LTBP1: variants seen among roughly 807,000 people sequenced by gnomAD.
The protein encoded by LTBP1 is latent-transforming growth factor beta-binding protein 1.
Under a neutral mutation model 207.6 loss-of-function variants are expected in LTBP1, and 129 were observed. The ratio of observed to expected loss-of-function variants is 0.62; its 90% CI spans 0.54 to 0.72. LTBP1 has a LOEUF of 0.72. Among genes scored for constraint, LTBP1 ranks in the 30% least tolerant of loss-of-function variants. LTBP1 has a pLI of 0.00. For synonymous variants in LTBP1, 963 were observed against 833.7 expected (o/e 1.16, Z -2.67); for missense variants, 2,281 against 2,217.2 (o/e 1.03, Z -0.58).
At chr2:33,207,724 C>T (rs1013710060) in intron 7 of LTBP1, among the ~76,000 whole-genome samples, 4 of 152,142 alleles carry the variant, frequency 2.6e-5, no homozygotes, top group East Asian at 1.9e-4. Context: ...GTTGCACTAG[C>T]GATAGGGGTT....
chr2:32,993,053 C>T (rs219159), intron 2 of LTBP1, among the ~76,000 whole-genome samples: 40,076 of 151,882 alleles, frequency 0.26, 6,547 homozygotes, highest in Non-Finnish European at 0.38. Flanking sequence ...GCTGGTGGGC[C>T]TGCAGATGGA....
chr2:33,173,104 C>G (rs1031368521), intron 5 of LTBP1, among the ~76,000 whole-genome samples: 1 of 152,048 alleles, frequency 6.6e-6, no homozygotes, highest in African/African-American at 2.4e-5. Flanking sequence ...ACTAGAAAAG[C>G]AAGAGCAAAC....
intron 32 of LTBP1, among the ~76,000 whole-genome samples, chr2:33,395,406 C>T (rs1315352856): frequency 6.6e-6 from 1 of 152,144 alleles, no homozygotes; most frequent in African/African-American, 2.4e-5. Context: ...TTACAAGGTA[C>T]ACATAGGGAA....
chr2:33,021,266 T>G (rs1256587894), intron 3 of LTBP1, 60 bp downstream of exon 3: 1 of 1,456,064 alleles, frequency 6.9e-7, no homozygotes, highest in Non-Finnish European at 9.3e-7. Flanking sequence ...TTGGATGCCT[T>G]GCTTTAAATC....
chr2:33,394,739 G>T (rs1207930074), intron 32 of LTBP1, among the ~76,000 whole-genome samples: 2 of 152,206 alleles, frequency 1.3e-5, no homozygotes, highest in African/African-American at 2.4e-5. Context: ...CAGGTAGCAT[G>T]ATGCCTCCAG....
intron 9 of LTBP1, among the ~76,000 whole-genome samples, chr2:33,231,742 T>C (rs554231874): frequency 1.3e-5 from 2 of 152,134 alleles, no homozygotes; most frequent in Non-Finnish European, 2.9e-5. Flanking sequence ...AACAGACATG[T>C]AGAATGAGGT....
chr2:33,279,348 A>AT (rs1051660429), intron 18 of LTBP1, among the ~76,000 whole-genome samples: 5 of 151,928 alleles, frequency 3.3e-5, no homozygotes, highest in South Asian at 2.1e-4. Flanking sequence ...ATTTTAGGAG[A>AT]TTTTTTTCTC....
At position 33,363,336 on chromosome 2, in the gene LTBP1, A is replaced by C. The variant is rs1229636998; in HGVS notation, c.4271-54A>C. 5 of 1,587,754 alleles carry C rather than the reference A, an allele frequency of 3.1e-6. No individual in the cohort carries two copies. In the East Asian group the frequency reaches 1.1e-4, roughly 36 times the overall value. ...CCCAAATCTGGTTAGACTCTTTTTAATTGAAAGATCAAACCTAACTCCTTT... is the reference window on the plus strand; with the variant it reads ...CCCAAATCTGGTTAGACTCTTTTTACTTGAAAGATCAAACCTAACTCCTTT... On this transcript the variant is annotated intron_variant, in intron 28 of 33. Coordinates refer to ENST00000404816, the MANE Select transcript of LTBP1 (RefSeq NM_206943.4).
chr2:33,325,374 C>T (rs2094413543), intron 24 of LTBP1, among the ~76,000 whole-genome samples: 1 of 152,054 alleles, frequency 6.6e-6, no homozygotes, highest in African/African-American at 2.4e-5. Flanking sequence ...GCCTCTGAGG[C>T]CTAAGTGTCA....
At chr2:33,103,802 C>T (rs921230524) in intron 3 of LTBP1, among the ~76,000 whole-genome samples, 1 of 152,108 alleles carries the variant, frequency 6.6e-6, no homozygotes, top group Non-Finnish European at 1.5e-5. Context: ...ATTCACCCAT[C>T]CTTCTCAACA....
At chr2:33,050,992 G>A (rs2076709255) in intron 3 of LTBP1, among the ~76,000 whole-genome samples, 1 of 152,022 alleles carries the variant, frequency 6.6e-6, no homozygotes, top group South Asian at 2.1e-4. Flanking sequence ...CAAAGTGCTG[G>A]GATTATAGGT....
chr2:33,012,015 C>G (rs1304688067), intron 2 of LTBP1, among the ~76,000 whole-genome samples: 1 of 152,014 alleles, frequency 6.6e-6, no homozygotes, highest in Non-Finnish European at 1.5e-5. Flanking sequence ...TGATCACCCC[C>G]CATCAGACAC....
chr2:33,113,750 A>G (rs1317134834), intron 4 of LTBP1, among the ~76,000 whole-genome samples: 1 of 152,110 alleles, frequency 6.6e-6, no homozygotes. Context: ...GTGTTGTAGC[A>G]TGTATCAGTA....
intron 8 of LTBP1, 146 bp from the exon 9 acceptor site, chr2:33,221,934 T>C (rs778780589): frequency 1.5e-4 from 76 of 512,440 alleles, no homozygotes; most frequent in Non-Finnish European, 2.3e-4. Flanking sequence ...GGAAAAAAAT[T>C]ATGGAGATAT....
At chr2:33,383,571 T>C (rs1418186600) in intron 31 of LTBP1, among the ~76,000 whole-genome samples, 1 of 152,246 alleles carries the variant, frequency 6.6e-6, no homozygotes, top group East Asian at 1.9e-4. Context: ...TTTTCTTTTC[T>C]TTCTTTTTTT....
chr2:33,213,365 A>G (rs560736861), intron 7 of LTBP1, among the ~76,000 whole-genome samples: 2 of 152,308 alleles, frequency 1.3e-5, no homozygotes, highest in East Asian at 3.9e-4. Flanking sequence ...GAGGAATTCC[A>G]TTTGTGTTTT....
At chr2:33,217,077 G>C (rs2090770129) in intron 7 of LTBP1, among the ~76,000 whole-genome samples, 1 of 152,156 alleles carries the variant, frequency 6.6e-6, no homozygotes, top group African/African-American at 2.4e-5. Context: ...CCAGGCCTTG[G>C]GGTTATAGGA....
chr2:33,353,379 C>T (rs1291488661), intron 26 of LTBP1, among the ~76,000 whole-genome samples: 2 of 152,164 alleles, frequency 1.3e-5, no homozygotes, highest in African/African-American at 4.8e-5. Context: ...GATGGAATTA[C>T]AGGATTCTGC....
rs538881359 is a variant in LTBP1 at position 32,979,888 on chromosome 2, A to G, written c.565+30943A>G. 3.3e-3 allele frequency among the ~76,000 whole-genome samples: 501 copies of G among 152,282 alleles called. 2 individuals are homozygous for G. The highest frequency in any genetic ancestry group is 6.1e-3 in the Non-Finnish European group (412 of 67,986). ...AAAGTTGGATGCATATATGCTTACA[A>G]TCGTTATATTCTCTTGCTTTATATC... is the stretch of plus-strand genomic sequence containing the variant. On this transcript the variant is annotated intron_variant, in intron 2 of 33. Coordinates refer to ENST00000404816, the MANE Select transcript of LTBP1 (RefSeq NM_206943.4).
Sources: gnomAD v4.1 joint callset for allele counts (sites outside exome capture counted in the v4.1 genomes callset) on GRCh38, gnomAD v4.1.1 for gene constraint, MANE v1.5 for transcripts, NCBI Gene and HGNC (gene_info 2026-07-23, HGNC 2026-07-21) for gene names.